Variants in TNRC6B observed in about 807,000 individuals in gnomAD.
TNRC6B encodes the protein trinucleotide repeat-containing gene 6B protein.
TNRC6B carries 52 observed loss-of-function variants against 203.6 expected under a neutral mutation model. That is an observed-to-expected ratio of 0.26 (90% CI 0.20 to 0.32). The LOEUF (loss-of-function observed/expected upper bound fraction) is 0.32. TNRC6B is among the 10% of genes least tolerant of loss of function. The pLI is 1.00. For missense variants in TNRC6B, 1,923 were observed against 2,286.2 expected (o/e 0.84, Z 3.24); for synonymous variants, 838 against 845.7 (o/e 0.99, Z 0.16).
At position 40,322,740 on chromosome 22, in the gene TNRC6B, T is replaced by C. The variant is rs1313811238; in HGVS notation, c.5115-114T>C. On this transcript the variant is annotated intron_variant, in intron 22 of 22. Transcript: ENST00000454349. ...GCATTCTAAAAAGCGTTCATGGATA[T>C]GGCAGCTTCTAGTCAAAGGACTGCA... 1.4e-5 allele frequency: 18 copies of C among 1,257,546 alleles called. No homozygotes were observed. In the East Asian group the frequency reaches 4.3e-4, roughly 30 times the overall value. 77.9% of individuals were successfully genotyped at this position (1,257,546 alleles called of 1,614,324 possible). A position where few individuals can be genotyped will look rare whatever the true frequency, so the allele number is the denominator to read the frequency against.
chr22:40,269,258 G>T (rs528486631), intron 5 of TNRC6B, among the ~76,000 whole-genome samples: 1 of 140,968 alleles, frequency 7.1e-6, no homozygotes, highest in Non-Finnish European at 1.5e-5. Context: ...TCAGCCTCCC[G>T]AATAGCTGGG....
At chr22:40,198,315 A>G (rs2069366954) in intron 1 of TNRC6B, among the ~76,000 whole-genome samples, 1 of 152,200 alleles carries the variant, frequency 6.6e-6, no homozygotes, top group African/African-American at 2.4e-5. Context: ...TACAAGTTCT[A>G]ACTTAACAGA....
chr22:40,269,344 G>C (rs1210669055), intron 5 of TNRC6B, among the ~76,000 whole-genome samples: 3 of 151,682 alleles, frequency 2.0e-5, no homozygotes, highest in African/African-American at 7.3e-5. Flanking sequence ...ATGTGGGTCT[G>C]GCTAGTCTTG....
At chr22:40,240,636 A>C (rs1031537179) in intron 1 of TNRC6B, among the ~76,000 whole-genome samples, 7 of 152,244 alleles carry the variant, frequency 4.6e-5, no homozygotes, top group Admixed American at 1.3e-4. Context: ...GTAAATACTT[A>C]ACTGAATTTG....
At chr22:40,299,069 C>T (rs1272910508) in intron 12 of TNRC6B, among the ~76,000 whole-genome samples, 2 of 147,034 alleles carry the variant, frequency 1.4e-5, no homozygotes, top group South Asian at 2.2e-4. Context: ...TGAGACCAGC[C>T]GGGAGGTCAA....
At chr22:40,282,812 G>T (rs557631804) in intron 11 of TNRC6B, among the ~76,000 whole-genome samples, 3 of 151,738 alleles carry the variant, frequency 2.0e-5, no homozygotes, top group Admixed American at 6.6e-5. Flanking sequence ...TTAAGATTTC[G>T]ATTTTCCAAA....
chr22:40,049,634 C>G (rs7290536), intron 1 of TNRC6B, among the ~76,000 whole-genome samples: 4 of 152,098 alleles, frequency 2.6e-5, no homozygotes, highest in Non-Finnish European at 4.4e-5. Context: ...GATGGAGTCT[C>G]GCTCTGTCGC....
intron 1 of TNRC6B, among the ~76,000 whole-genome samples, chr22:40,069,951 T>C (rs540547345): frequency 6.6e-6 from 1 of 152,294 alleles, no homozygotes; most frequent in Admixed American, 6.5e-5. Flanking sequence ...GGAGGATTGG[T>C]GTATATTAAA....
At chr22:40,089,015 T>G (rs1451887514) in intron 1 of TNRC6B, among the ~76,000 whole-genome samples, 6 of 152,126 alleles carry the variant, frequency 3.9e-5, no homozygotes, top group Non-Finnish European at 8.8e-5. Context: ...ACAAAGTCCT[T>G]CAACTGTACT....
chr22:40,202,264 T>TTGTTTTTTTGTTTG (rs1483866818), intron 1 of TNRC6B, among the ~76,000 whole-genome samples: 4 of 151,554 alleles, frequency 2.6e-5, no homozygotes, highest in African/African-American at 9.7e-5. Flanking sequence ...TTTTTTGTTT[T>TTGTTTTTTTGTTTG]TTTTTTTTTT....
intron 19 of TNRC6B, among the ~76,000 whole-genome samples, chr22:40,314,657 A>G (rs907164121): frequency 6.6e-6 from 1 of 152,146 alleles, no homozygotes; most frequent in African/African-American, 2.4e-5. Flanking sequence ...AGCTTACGTG[A>G]TGATGTTGGG....
intron 4 of TNRC6B, among the ~76,000 whole-genome samples, chr22:40,163,456 C>CA (rs1180212519): frequency 0.25 from 1,731 of 6,968 alleles, 489 homozygotes; most frequent in Non-Finnish European, 0.31. Context: ...GACCCTGTCT[C>CA]AAAAAAAAAA....
Position 40,321,113 on chromosome 22 carries a change from G to T in TNRC6B, c.4998G>T (p.Thr1666=), listed in dbSNP as rs775572218. The T allele has an allele frequency of 1.9e-6, 3 of 1,613,772 alleles. No individual in the cohort carries two copies. Among genetic ancestry groups the T allele is most frequent in the Non-Finnish European group, 2.5e-6 (3 of 1,179,890 alleles). ...TPQIDGSTLR[T]ICMQHGPLLT... is the part of the protein sequence containing the mutation. ...AGATTGATGGGTCAACCTTGAGAAC[G>T]ATCTGCATGCAGCATGGCCCACTGC... The change falls in exon 22 of 23, where the codon ACG becomes ACT. Residue 1666 remains threonine (T), a synonymous_variant. Coordinates refer to ENST00000454349, the MANE Select transcript of TNRC6B (RefSeq NM_001162501.2).
intron 1 of TNRC6B, among the ~76,000 whole-genome samples, chr22:40,088,987 C>T (rs576721367): frequency 2.4e-4 from 36 of 152,184 alleles, no homozygotes; most frequent in Middle Eastern, 3.4e-3. Context: ...AGAACTGCAA[C>T]AAACAGTAGC....
chr22:40,051,508 A>G (rs1210254327), intron 1 of TNRC6B, among the ~76,000 whole-genome samples: 3 of 152,210 alleles, frequency 2.0e-5, no homozygotes, highest in Non-Finnish European at 2.9e-5. Flanking sequence ...GCCTGTTGAC[A>G]TTGACAACTG....
At chr22:40,213,793 C>T (rs2069595744) in intron 1 of TNRC6B, among the ~76,000 whole-genome samples, 1 of 152,238 alleles carries the variant, frequency 6.6e-6, no homozygotes, top group Non-Finnish European at 1.5e-5. Context: ...GAAGTCTTTA[C>T]TCATTTTGCA....
intron 3 of TNRC6B, among the ~76,000 whole-genome samples, chr22:40,147,910 G>A (rs1012172500): frequency 1.3e-5 from 2 of 152,180 alleles, no homozygotes; most frequent in African/African-American, 4.8e-5. Flanking sequence ...CTGCTGTTAC[G>A]TAAGTAGTTT....
chr22:40,284,676 T>C (rs1267334535), intron 11 of TNRC6B, among the ~76,000 whole-genome samples: 1 of 152,182 alleles, frequency 6.6e-6, no homozygotes, highest in African/African-American at 2.4e-5. Flanking sequence ...TTAAAGCGTT[T>C]TGAGATTGGA....
chr22:40,165,323 C>T (rs891177330), intron 4 of TNRC6B, among the ~76,000 whole-genome samples: 2 of 151,928 alleles, frequency 1.3e-5, no homozygotes, highest in African/African-American at 2.4e-5. Context: ...ACTACAGGCA[C>T]GCACTACCAT....
Sources: allele counts gnomAD v4.1 joint callset (sites outside exome capture counted in the v4.1 genomes callset), GRCh38; gene constraint gnomAD v4.1.1; transcripts MANE v1.5; gene names NCBI Gene and HGNC (gene_info 2026-07-23, HGNC 2026-07-21).